Variants in KRCC1 observed in about 807,000 individuals in gnomAD.
KRCC1 encodes lysine rich coiled-coil 1, also known as lysine-rich coiled-coil protein 1.
A neutral mutation model predicts 7.4 loss-of-function variants in KRCC1; 3 were observed. That is an observed-to-expected ratio of 0.40 (90% CI 0.18 to 1.04). KRCC1 has a LOEUF of 1.04. Among genes scored for constraint, KRCC1 ranks in the 50% least tolerant of loss-of-function variants. KRCC1 has a pLI of 0.33. For synonymous variants in KRCC1, 102 were observed against 101.6 expected, an observed-to-expected ratio of 1.00 and a Z score of -0.02; for missense variants, 277 against 300.9, an observed-to-expected ratio of 0.92 and a Z score of 0.59.
chr2:88,055,247 C>T (rs1194283616), intron 1 of KRCC1, among the ~76,000 whole-genome samples: 1 of 152,106 alleles, frequency 6.6e-6, no homozygotes, highest in African/African-American at 2.4e-5. Context: ...TACTCTCTTC[C>T]ACGTTTGGGC....
At chr2:88,052,434 G>A (rs999813332) in intron 1 of KRCC1, among the ~76,000 whole-genome samples, 5 of 152,228 alleles carry the variant, frequency 3.3e-5, no homozygotes, top group Admixed American at 6.5e-5. Context: ...AATAAATGAA[G>A]AGATAAGAAA....
chr2:88,036,353 A>T (rs1040282747), intron 2 of KRCC1, among the ~76,000 whole-genome samples: 1 of 152,198 alleles, frequency 6.6e-6, no homozygotes. Flanking sequence ...ATATAAAAGG[A>T]AGTAACACTG....
rs1466792678 is a variant in KRCC1, at chr2:88,028,717, C to T, written c.-22-132G>A. On this transcript the variant is annotated intron_variant, in intron 3 of 3. Transcript: ENST00000347055. ...CAGACTAGAGTGCAGTGGGGTTGCT[C>T]TTGGGTCACTGCAACCTCTGCCTCT... 1.0e-5 allele frequency: 6 copies of T among 598,256 alleles called. No homozygotes were observed. In the South Asian group the frequency reaches 1.1e-4, roughly 11 times the overall value. The allele number at this position is 598,256 out of a possible 1,614,324, so 37.1% of individuals were successfully genotyped here.
At chr2:88,055,232 A>C (rs977900428) in intron 1 of KRCC1, among the ~76,000 whole-genome samples, 2 of 151,896 alleles carry the variant, frequency 1.3e-5, no homozygotes, top group African/African-American at 4.8e-5. Context: ...CACCAAACGG[A>C]AGCTTACTCT....
At chr2:88,031,440 C>T (rs532471184) in intron 3 of KRCC1, among the ~76,000 whole-genome samples, 21 of 151,476 alleles carry the variant, frequency 1.4e-4, no homozygotes, top group Admixed American at 2.6e-4. Context: ...TGGCCAATAT[C>T]GTGAAACCCC....
intron 1 of KRCC1, among the ~76,000 whole-genome samples, chr2:88,041,235 T>C (rs1673204021): frequency 6.6e-6 from 1 of 152,154 alleles, no homozygotes; most frequent in Non-Finnish European, 1.5e-5. Context: ...GAAGAGCAGA[T>C]AGACGGGAGA....
intron 1 of KRCC1, among the ~76,000 whole-genome samples, chr2:88,045,689 CT>C (rs955798217): frequency 6.9e-4 from 101 of 145,732 alleles, no homozygotes; most frequent in South Asian, 8.7e-4. Context: ...TTGAATTGTA[CT>C]TTTTTTTTTT....
In KRCC1 at chr2:88,027,663, G is replaced by A. The variant is rs894634507; in HGVS notation, c.*121C>T. 18 of 783,396 alleles carry A rather than the reference G, an allele frequency of 2.3e-5. No homozygotes were observed. Among genetic ancestry groups the A allele is most frequent in the Non-Finnish European group, 6.0e-6 (3 of 498,308 alleles). The allele number at this position is 783,396 out of a possible 1,614,324, so 48.5% of individuals were successfully genotyped here. A position where few individuals can be genotyped will look rare whatever the true frequency, so the allele number is the denominator to read the frequency against. ...GCATGCTAAACACTTTGTTTACTAG[G>A]CCTTTGTTAGAAGTTAAAGAACCTA... On this transcript the variant is annotated 3_prime_UTR_variant, in exon 4 of 4. Coordinates refer to ENST00000347055, the MANE Select transcript of KRCC1 (RefSeq NM_016618.3).
intron 1 of KRCC1, among the ~76,000 whole-genome samples, chr2:88,044,401 C>A (rs200651797): frequency 4.6e-4 from 67 of 146,578 alleles, no homozygotes; most frequent in African/African-American, 1.2e-3. Context: ...CAAAAGAAAA[C>A]AAAAAAAAAA....
At chr2:88,052,228 T>G (rs974413051) in intron 1 of KRCC1, among the ~76,000 whole-genome samples, 1 of 152,234 alleles carries the variant, frequency 6.6e-6, no homozygotes, top group Admixed American at 6.5e-5. Context: ...AGACTTTTTT[T>G]TAAAAAAATA....
chr2:88,040,318 T>C (rs1276158380), intron 1 of KRCC1, among the ~76,000 whole-genome samples: 1 of 152,200 alleles, frequency 6.6e-6, no homozygotes, highest in Non-Finnish European at 1.5e-5. Context: ...CTGTTCTAGC[T>C]TTATAATATT....
chr2:88,054,190 T>C (rs991770765), intron 1 of KRCC1, among the ~76,000 whole-genome samples: 1 of 152,118 alleles, frequency 6.6e-6, no homozygotes, highest in African/African-American at 2.4e-5. Flanking sequence ...CTGCAAAAGC[T>C]CTCCCCATCC....
Position 88,028,012 on chromosome 2 carries a change from G to A in KRCC1, c.552C>T (p.Cys184=), listed in dbSNP as rs200442885. Residue 184 remains cysteine, a synonymous_variant, in exon 4 of 4, where the codon TGC becomes TGT. Transcript: ENST00000347055. ...TGTGTTTGTCTAAGTCAATTTCCTC[G>A]CAGCTTTTTTTTCTCTTATGCTTAG... ...ERSKHKRKKS[C]EEIDLDKHKS... is the part of the protein sequence containing the mutation. The A allele has an allele frequency of 2.4e-5, 38 of 1,613,494 alleles. No homozygotes were observed. The highest frequency in any genetic ancestry group is 2.0e-4 in the East Asian group (9 of 44,862).
chr2:88,036,264 G>A (rs940235518), intron 2 of KRCC1, among the ~76,000 whole-genome samples: 5 of 152,154 alleles, frequency 3.3e-5, no homozygotes, highest in Non-Finnish European at 7.4e-5. Context: ...AAAAGCCATT[G>A]TAATGTAGTA....
intron 1 of KRCC1, among the ~76,000 whole-genome samples, chr2:88,050,998 A>G (rs1673469437): frequency 6.7e-6 from 1 of 148,852 alleles, no homozygotes; most frequent in African/African-American, 2.5e-5. Flanking sequence ...ATCACAGCTC[A>G]CCGTAGCCTC....
At chr2:88,049,104 A>T (rs1409280287) in intron 1 of KRCC1, among the ~76,000 whole-genome samples, 2 of 152,226 alleles carry the variant, frequency 1.3e-5, no homozygotes, top group Non-Finnish European at 2.9e-5. Flanking sequence ...AAAATAACTA[A>T]GGGTTTATTA....
At chr2:88,052,336 C>G (rs751720549) in intron 1 of KRCC1, among the ~76,000 whole-genome samples, 12 of 152,152 alleles carry the variant, frequency 7.9e-5, no homozygotes, top group Non-Finnish European at 1.6e-4. Flanking sequence ...GCATTTTTTG[C>G]AAATTTGACT....
At chr2:88,045,378 A>G (rs1160363438) in intron 1 of KRCC1, among the ~76,000 whole-genome samples, 3 of 152,218 alleles carry the variant, frequency 2.0e-5, no homozygotes, top group African/African-American at 7.2e-5. Flanking sequence ...ATACCCATAC[A>G]ATTATTCAGA....
chr2:88,048,307 C>G (rs1310134117), intron 1 of KRCC1, among the ~76,000 whole-genome samples: 1 of 152,048 alleles, frequency 6.6e-6, no homozygotes. Flanking sequence ...GTCTCTAACT[C>G]CTGACCTCAA....
Sources: gnomAD v4.1 joint callset for allele counts (sites outside exome capture counted in the v4.1 genomes callset) on GRCh38, gnomAD v4.1.1 for gene constraint, MANE v1.5 for transcripts, NCBI Gene and HGNC (gene_info 2026-07-23, HGNC 2026-07-21) for gene names.